Variants in TMEM8B observed in about 807,000 individuals in gnomAD.
TMEM8B encodes the protein transmembrane protein 8B.
Under a neutral mutation model 49.3 loss-of-function variants are expected in TMEM8B, and 29 were observed. The observed-to-expected ratio is 0.59, with a 90% confidence interval of 0.44 to 0.80. The LOEUF is 0.80. Ranked by LOEUF, TMEM8B falls within the 30% of genes least tolerant of loss-of-function variation. TMEM8B has a pLI of 0.00. For synonymous variants in TMEM8B, 264 were observed against 272.8 expected (o/e 0.97, Z 0.32); for missense variants, 575 against 658.5 (o/e 0.87, Z 1.39).
intron 6 of TMEM8B, chr9:35,845,548 T>C (rs1316556643): frequency 1.7e-5 from 17 of 985,296 alleles, no homozygotes; most frequent in Non-Finnish European, 1.6e-5. Context: ...TTGGAGTGAG[T>C]GTCTTCATGC....
intron 1 of TMEM8B, among the ~76,000 whole-genome samples, chr9:35,832,108 T>C (rs1284385216): frequency 1.3e-5 from 2 of 152,112 alleles, no homozygotes; most frequent in Non-Finnish European, 2.9e-5. Flanking sequence ...AAATGGGCTT[T>C]TATTCTACCT....
chr9:35,834,989 T>C lies in TMEM8B; in HGVS notation c.699-22T>C, dbSNP rs918968684. The C allele has an allele frequency of 3.6e-5, 15 of 415,638 alleles. No individual in the cohort carries two copies. In the East Asian group the frequency reaches 5.3e-4, roughly 15 times the overall value. The allele number at this position is 415,638 out of a possible 1,614,324, so 25.7% of individuals were successfully genotyped here. A position where few individuals can be genotyped will look rare whatever the true frequency, so the allele number is the denominator to read the frequency against. On this transcript the variant is annotated intron_variant, in intron 2 of 12. Coordinates refer to ENST00000643932, the MANE Select transcript of TMEM8B (RefSeq NM_001042590.4). ...CCCACCCCATTGTCTGCTTTCCTCC[T>C]CTCCTAATTCTGGTCCCCCAGGTAT...
At position 35,862,868 on chromosome 9, in the gene TMEM8B, A is replaced by G. The variant is rs184954181; in HGVS notation, c.*9028A>G. ...TTCTTGTATATCTCTCTCTGACTAG[A>G]CTATGAGCTATTGCAGTGAAAGGGC... On this transcript the variant is annotated 3_prime_UTR_variant, in exon 13 of 13. Coordinates refer to ENST00000643932, the MANE Select transcript of TMEM8B (RefSeq NM_001042590.4). 1 of 152,298 alleles carries G rather than the reference A, an allele frequency of 6.6e-6. No homozygotes were observed. The highest frequency in any genetic ancestry group is 1.5e-5 in the Non-Finnish European group (1 of 68,034). The allele number at this position is 152,298 out of a possible 1,614,324, so 9.4% of individuals were successfully genotyped here. A position where few individuals can be genotyped will look rare whatever the true frequency, so the allele number is the denominator to read the frequency against.
chr9:35,833,880 G>T (rs924048360), intron 1 of TMEM8B, among the ~76,000 whole-genome samples: 6 of 152,148 alleles, frequency 3.9e-5, no homozygotes, highest in African/African-American at 1.4e-4. Flanking sequence ...GGCAGCGCTT[G>T]TGAGGCTGCT....
At position 35,846,579 on chromosome 9, in the gene TMEM8B, A is replaced by G; in HGVS notation, c.1964A>G (p.Asn655Ser). 1 of 1,572,836 alleles carries G rather than the reference A, an allele frequency of 6.4e-7. No individual in the cohort carries two copies. The highest frequency in any genetic ancestry group is 8.6e-7 in the Non-Finnish European group (1 of 1,159,008). Reference sequence around the variant, plus strand: ...CAGTGCAAGCTGCTGCGCACACACAATTATCTGTACGCAGCCTGCGAGTGC... The same window carrying G: ...CAGTGCAAGCTGCTGCGCACACACAGTTATCTGTACGCAGCCTGCGAGTGC... ...YGQCKLLRTHNYLYAACECKA... is the reference protein window; with the variant it reads ...YGQCKLLRTHSYLYAACECKA... Residue 655 changes from asparagine (N) to serine (S), a missense_variant, in exon 9 of 13, where the codon AAT (asparagine) becomes AGT (serine). Transcript: ENST00000643932.
chr9:35,832,168 G>GGGGTGTGT lies in TMEM8B; in HGVS notation c.508+2214_508+2215insGGTGTGTG, dbSNP rs149702799. Among the ~76,000 whole-genome samples the GGGGTGTGT allele has an allele frequency of 5.4e-4, 80 of 146,846 alleles. 1 individual carries two copies. Among genetic ancestry groups the GGGGTGTGT allele is most frequent in the African/African-American group, 2.0e-3 (78 of 39,730 alleles). ...CTCAGCCTATGTGTGTAGGTGTAGG[G>GGGGTGTGT]GTGTGTGTGTGTGTGTGTGTGTGTG... On this transcript the variant is annotated intron_variant, in intron 1 of 12. Coordinates refer to ENST00000643932, the MANE Select transcript of TMEM8B (RefSeq NM_001042590.4).
rs769995754 is a variant in TMEM8B, at chr9:35,846,465, G to A, written c.1854-4G>A. 1.3e-6 allele frequency: 2 copies of A among 1,597,502 alleles called. No individual in the cohort carries two copies. The highest frequency in any genetic ancestry group is 1.1e-5 in the South Asian group (1 of 89,364). ...GCCCCAGGTGACTGCGAGTTTGTGC[G>A]CAGGTTCGTGCGGTGCCGCAACGCG... is the stretch of plus-strand genomic sequence containing the variant. On this transcript the variant is annotated splice_region_variant and splice_polypyrimidine_tract_variant and intron_variant, in intron 8 of 12. Coordinates refer to ENST00000643932, the MANE Select transcript of TMEM8B (RefSeq NM_001042590.4).
Position 35,853,723 on chromosome 9 carries a change from G to C in TMEM8B, c.2658G>C (p.Gly886=). ...CCCCTCGTGCCAAGACTGACCACGG[G>C]GTCCCATCTGGAGCCCGGGCCCGGG... ...LLPPRAKTDH[G]VPSGARARGC... Residue 886 remains glycine, a synonymous_variant, in exon 13 of 13, where the codon GGG becomes GGC. Transcript: ENST00000643932. The surrounding 1 kb of genome is among the most constrained non-coding windows in gnomAD (Gnocchi z 4.2). 2 of 1,614,046 alleles carry C rather than the reference G, an allele frequency of 1.2e-6. No homozygotes were observed. Among genetic ancestry groups the C allele is most frequent in the South Asian group, 2.2e-5 (2 of 91,074 alleles).
Position 35,853,223 on chromosome 9 carries a change from G to A in TMEM8B, c.2405G>A (p.Ser802Asn), listed in dbSNP as rs989417439. Residue 802 changes from serine (S) to asparagine (N), a missense_variant, in exon 12 of 13, where the codon AGT becomes AAT. Physicochemically the swap from Ser to Asn is conservative, Grantham distance 46. Coordinates refer to ENST00000643932, the MANE Select transcript of TMEM8B (RefSeq NM_001042590.4). The surrounding 1 kb of genome is among the most constrained non-coding windows in gnomAD (Gnocchi z 4.2). Reference sequence around the variant, plus strand: ...GGACTCTGGAACCTGCTTGGACCCAGTCTCTTCGCCCTGGGGATCTTGGCC... The same window carrying A: ...GGACTCTGGAACCTGCTTGGACCCAATCTCTTCGCCCTGGGGATCTTGGCC... ...RHGLWNLLGPSLFALGILATA... is the reference protein window; with the variant it reads ...RHGLWNLLGPNLFALGILATA... 2 of 1,614,114 alleles carry A rather than the reference G, an allele frequency of 1.2e-6. No individual in the cohort carries two copies. Among genetic ancestry groups the A allele is most frequent in the Admixed American group, 1.7e-5 (1 of 60,032 alleles).
At position 35,859,822 on chromosome 9, in the gene TMEM8B, A is replaced by G; in HGVS notation, c.*5982A>G. On this transcript the variant is annotated 3_prime_UTR_variant, in exon 13 of 13. Coordinates refer to ENST00000643932, the MANE Select transcript of TMEM8B (RefSeq NM_001042590.4). Reference sequence around the variant, plus strand: ...AGAAGTACATGGGGTTGTGCAGGCGAGGGTGCAGCACGTTCAGCCCTATGA... The same window carrying G: ...AGAAGTACATGGGGTTGTGCAGGCGGGGGTGCAGCACGTTCAGCCCTATGA... 6.5e-6 allele frequency: 1 copy of G among 153,926 alleles called. No individual in the cohort carries two copies. 9.5% of individuals were successfully genotyped at this position (153,926 alleles called of 1,614,324 possible). A position where few individuals can be genotyped will look rare whatever the true frequency, so the allele number is the denominator to read the frequency against.
At chr9:35,845,446 T>C (rs981992348) in intron 6 of TMEM8B, 18 of 985,344 alleles carry the variant, frequency 1.8e-5, no homozygotes, top group Admixed American at 6.1e-5. Context: ...CTTGCAGATA[T>C]CTGGTTTCTT....
chr9:35,858,921 C>T lies in TMEM8B; in HGVS notation c.*5081C>T, dbSNP rs1832601484. 1 of 152,512 alleles carries T rather than the reference C, an allele frequency of 6.6e-6. No homozygotes were observed. Among genetic ancestry groups the T allele is most frequent in the Non-Finnish European group, 1.5e-5 (1 of 68,068 alleles). 9.4% of individuals were successfully genotyped at this position (152,512 alleles called of 1,614,324 possible). A position where few individuals can be genotyped will look rare whatever the true frequency, so the allele number is the denominator to read the frequency against. The stretch of plus-strand genomic sequence containing the variant: ...TGCGGAGCAGAAGCCCCACCAGCCT[C>T]TGGTGGACCTGCATCAGGAGCAAGA... On this transcript the variant is annotated 3_prime_UTR_variant, in exon 13 of 13. Coordinates refer to ENST00000643932, the MANE Select transcript of TMEM8B (RefSeq NM_001042590.4).
rs181221726 is a variant in TMEM8B, at chr9:35,862,774, C to T, written c.*8934C>T. On this transcript the variant is annotated 3_prime_UTR_variant, in exon 13 of 13. Transcript: ENST00000643932. Reference sequence around the variant, plus strand: ...AGATGGCTTCATAAAACTGACCACCCGGACAACAAGATGGTCACACAGCTA... The same window carrying T: ...AGATGGCTTCATAAAACTGACCACCTGGACAACAAGATGGTCACACAGCTA... 7.2e-5 allele frequency: 11 copies of T among 152,332 alleles called. No individual in the cohort carries two copies. The highest frequency in any genetic ancestry group is 3.3e-4 in the Admixed American group (5 of 15,300). The allele number at this position is 152,332 out of a possible 1,614,324, so 9.4% of individuals were successfully genotyped here. A position where few individuals can be genotyped will look rare whatever the true frequency, so the allele number is the denominator to read the frequency against.
Position 35,863,273 on chromosome 9 carries a change from G to A in TMEM8B, c.*9433G>A, listed in dbSNP as rs1832680533. 1 of 152,178 alleles carries A rather than the reference G, an allele frequency of 6.6e-6. No individual in the cohort carries two copies. The highest frequency in any genetic ancestry group is 6.5e-5 in the Admixed American group (1 of 15,278). The allele number at this position is 152,178 out of a possible 1,614,324, so 9.4% of individuals were successfully genotyped here. A position where few individuals can be genotyped will look rare whatever the true frequency, so the allele number is the denominator to read the frequency against. On this transcript the variant is annotated 3_prime_UTR_variant, in exon 13 of 13. Transcript: ENST00000643932. ...AGCTATTGTGATTGCTAGGAGAAGG[G>A]CTTTGGGCAGTGCCAGTCTCCTGTT... is the stretch of plus-strand genomic sequence containing the variant.
intron 1 of TMEM8B, among the ~76,000 whole-genome samples, chr9:35,834,241 T>A (rs1045285340): frequency 6.6e-6 from 1 of 151,822 alleles, no homozygotes; most frequent in Non-Finnish European, 1.5e-5. Context: ...AAAAGGAGGG[T>A]TTTTTTGTTT....
At chr9:35,849,865 G>A (rs114168051) in intron 10 of TMEM8B, among the ~76,000 whole-genome samples, 9 of 152,276 alleles carry the variant, frequency 5.9e-5, no homozygotes, top group Non-Finnish European at 1.0e-4. Flanking sequence ...ACTTGAACCC[G>A]TACTGTTCAA....
rs1284219538 is a variant in TMEM8B, at chr9:35,858,958, A to T, written c.*5118A>T. ...CATCAGGAGCAAGAAACAAACCTTA[A>T]TGGCTTTAAGCCTCTCAAGGTTTGA... On this transcript the variant is annotated 3_prime_UTR_variant, in exon 13 of 13. Transcript: ENST00000643932. 6.6e-6 allele frequency: 1 copy of T among 152,600 alleles called. No homozygotes were observed. The highest frequency in any genetic ancestry group is 2.4e-5 in the African/African-American group (1 of 41,440). 9.5% of individuals were successfully genotyped at this position (152,600 alleles called of 1,614,324 possible). A position where few individuals can be genotyped will look rare whatever the true frequency, so the allele number is the denominator to read the frequency against.
intron 3 of TMEM8B, among the ~76,000 whole-genome samples, chr9:35,837,726 T>C (rs1830575549): frequency 6.6e-6 from 1 of 152,230 alleles, no homozygotes; most frequent in African/African-American, 2.4e-5. Context: ...GTGCAGAGTC[T>C]GGCACATGAT....
chr9:35,840,018 T>C (rs1324106998), intron 3 of TMEM8B, among the ~76,000 whole-genome samples: 2 of 152,128 alleles, frequency 1.3e-5, no homozygotes, highest in African/African-American at 4.8e-5. Flanking sequence ...CTGGAACTTT[T>C]GTCCCAGAAC....
Sources: allele counts gnomAD v4.1 joint callset (sites outside exome capture counted in the v4.1 genomes callset), GRCh38; gene constraint gnomAD v4.1.1; non-coding constraint Gnocchi (gnomAD v3.1); transcripts MANE v1.5; gene names NCBI Gene and HGNC (gene_info 2026-07-23, HGNC 2026-07-21).